Variants in AQP7B observed in about 807,000 individuals in gnomAD.
AQP7B encodes the protein aquaporin 7B.
the AQP7B span, among the ~76,000 whole-genome samples, chr2:94,599,091 C>T: frequency 1.3e-5 from 2 of 152,192 alleles, no homozygotes; most frequent in Admixed American, 6.5e-5. Flanking sequence ...CGTGAGCCAA[C>T]ACACCTGGCC....
At chr2:94,601,792 A>C in the AQP7B span, among the ~76,000 whole-genome samples, 6 of 152,100 alleles carry the variant, frequency 3.9e-5, no homozygotes, top group African/African-American at 1.4e-4. Context: ...AGGCCTCTGC[A>C]GAGGGAGAGG....
chr2:94,597,625 TG>T, the AQP7B span, among the ~76,000 whole-genome samples: 7 of 150,104 alleles, frequency 4.7e-5, no homozygotes, highest in Admixed American at 1.3e-4. Flanking sequence ...TTTTTTTTTT[TG>T]TTTTTTTTTT....
chr2:94,590,222 G>C, the AQP7B span, among the ~76,000 whole-genome samples: 1 of 152,170 alleles, frequency 6.6e-6, no homozygotes, highest in Non-Finnish European at 1.5e-5. Context: ...TTGTTCTGTT[G>C]CCCATGCTGA....
the AQP7B span, among the ~76,000 whole-genome samples, chr2:94,596,247 C>A: frequency 6.6e-6 from 1 of 152,244 alleles, no homozygotes; most frequent in Non-Finnish European, 1.5e-5. Flanking sequence ...AGTATCCAGA[C>A]TGCAGGCAGG....
chr2:94,588,038 G>A, the AQP7B span, among the ~76,000 whole-genome samples: 1 of 151,916 alleles, frequency 6.6e-6, no homozygotes, highest in South Asian at 2.1e-4. Context: ...GAGTTTTCAG[G>A]GCCTCATCCT....
At chr2:94,601,532 C>T in the AQP7B span, among the ~76,000 whole-genome samples, 1 of 152,068 alleles carries the variant, frequency 6.6e-6, no homozygotes, top group East Asian at 1.9e-4. Flanking sequence ...TTGCTGGAGC[C>T]CTTGGAGAGA....
the AQP7B span, among the ~76,000 whole-genome samples, chr2:94,592,210 A>G: frequency 7.9e-5 from 12 of 152,134 alleles, no homozygotes; most frequent in South Asian, 2.1e-4. Context: ...GAGCCAGTGG[A>G]GGGTCACCTC....
At chr2:94,595,576 A>C in the AQP7B span, among the ~76,000 whole-genome samples, 1 of 152,074 alleles carries the variant, frequency 6.6e-6, no homozygotes, top group African/African-American at 2.4e-5. Context: ...TGGATTTTAA[A>C]GGTAATTTTG....
chr2:94,600,905 G>A, the AQP7B span, among the ~76,000 whole-genome samples: 24 of 151,382 alleles, frequency 1.6e-4, no homozygotes, highest in South Asian at 2.1e-4. Context: ...AATTGGCTGC[G>A]TGCCGAGGCA....
the AQP7B span, among the ~76,000 whole-genome samples, chr2:94,591,399 A>T: frequency 6.6e-6 from 1 of 152,114 alleles, no homozygotes; most frequent in Non-Finnish European, 1.5e-5. Flanking sequence ...ACCGAACACC[A>T]AGCCTGTCAG....
the AQP7B span, among the ~76,000 whole-genome samples, chr2:94,596,907 C>T: frequency 6.6e-6 from 1 of 152,276 alleles, no homozygotes; most frequent in Admixed American, 6.5e-5. Context: ...ACCGTGTTGG[C>T]CAGACTGGTC....
the AQP7B span, among the ~76,000 whole-genome samples, chr2:94,590,483 T>A: frequency 1.3e-5 from 2 of 152,284 alleles, no homozygotes; most frequent in South Asian, 4.1e-4. Context: ...TCACCATGCC[T>A]GGCCAACAAA....
the AQP7B span, chr2:94,588,466 C>T: frequency 9.7e-6 from 6 of 618,398 alleles, no homozygotes; most frequent in Middle Eastern, 4.4e-4. Flanking sequence ...CTGTGTCCTC[C>T]AGCCCTAGTG....
chr2:94,589,526 G>C, the AQP7B span, among the ~76,000 whole-genome samples: 1 of 151,958 alleles, frequency 6.6e-6, no homozygotes, highest in Non-Finnish European at 1.5e-5. Flanking sequence ...TCCTTGCTCT[G>C]TTTTTTTCCA....
the AQP7B span, among the ~76,000 whole-genome samples, chr2:94,599,569 C>T: frequency 1.9e-4 from 29 of 152,220 alleles, 1 homozygote; most frequent in South Asian, 6.0e-3. Flanking sequence ...CCCGTGTATC[C>T]ACATATCACC....
chr2:94,604,494 T>C, the AQP7B span: 1 of 1,610,932 alleles, frequency 6.2e-7, no homozygotes. Context: ...CTCACCCTCA[T>C]CTCCGTGAGC....
the AQP7B span, among the ~76,000 whole-genome samples, chr2:94,595,715 A>T: frequency 6.6e-6 from 1 of 152,084 alleles, no homozygotes; most frequent in Non-Finnish European, 1.5e-5. Context: ...CACATGTTTG[A>T]GAGGGCTGTG....
At chr2:94,598,744 C>T in the AQP7B span, among the ~76,000 whole-genome samples, 3 of 152,188 alleles carry the variant, frequency 2.0e-5, no homozygotes, top group Admixed American at 6.5e-5. Flanking sequence ...GCATGAGTTG[C>T]CAGTTGGCAG....
the AQP7B span, among the ~76,000 whole-genome samples, chr2:94,587,999 A>T: frequency 6.6e-6 from 1 of 151,514 alleles, no homozygotes; most frequent in African/African-American, 2.4e-5. Flanking sequence ...TACAAAGGGG[A>T]ATTTTTGGGT....
Sources: allele counts gnomAD v4.1 joint callset (sites outside exome capture counted in the v4.1 genomes callset), GRCh38; gene constraint gnomAD v4.1.1; transcripts MANE v1.5; gene names NCBI Gene and HGNC (gene_info 2026-07-23, HGNC 2026-07-21).